SETX: variants seen among roughly 807,000 people sequenced by gnomAD.
SETX encodes helicase senataxin.
Under a neutral mutation model 227.2 loss-of-function variants are expected in SETX, and 90 were observed. The observed-to-expected ratio is 0.40, with a 90% CI of 0.33 to 0.47. SETX has a LOEUF of 0.47. Among genes scored for constraint, SETX ranks in the 20% least tolerant of loss-of-function variants. The pLI is 0.91. For missense variants in SETX, 3,052 were observed against 3,181.5 expected (o/e 0.96, Z 0.98); for synonymous variants, 1,210 against 1,113.2 (o/e 1.09, Z -1.73).
intron 3 of SETX, among the ~76,000 whole-genome samples, chr9:132,348,728 C>T (rs1848448147): frequency 1.8e-5 from 1 of 55,070 alleles, no homozygotes; most frequent in Non-Finnish European, 5.0e-5. Flanking sequence ...GAGTTCAGGA[C>T]CAGCCTGGGC....
At position 132,269,240 on chromosome 9, in the gene SETX, C is replaced by T. The variant is rs1057372093; in HGVS notation, c.7287+375G>A. Reference sequence around the variant, plus strand: ...CAGCAGAAAAGCAGAGCAGAGCACGCGCCTGCAAACTCTCTCTGGCATTAA... The same window carrying T: ...CAGCAGAAAAGCAGAGCAGAGCACGTGCCTGCAAACTCTCTCTGGCATTAA... On this transcript the variant is annotated intron_variant, in intron 25 of 25. Transcript: ENST00000224140. Among the ~76,000 whole-genome samples, 6 of 152,356 alleles carry T rather than the reference C, an allele frequency of 3.9e-5. No homozygotes were observed. The South Asian group carries it at 6.2e-4, about 16-fold the overall frequency.
chr9:132,301,156 G>T (rs1029293783), intron 11 of SETX, among the ~76,000 whole-genome samples: 1 of 147,812 alleles, frequency 6.8e-6, no homozygotes, highest in East Asian at 2.0e-4. Flanking sequence ...GCAGTGGCGC[G>T]ATCTCGGGTC....
chr9:132,355,000 C>T (rs1848836342), upstream of SETX: 1 of 152,182 alleles, frequency 6.6e-6, no homozygotes, highest in South Asian at 2.1e-4. Flanking sequence ...GGCCCGCAGC[C>T]GCAGCTACCA....
chr9:132,283,371 C>T lies in SETX; in HGVS notation c.6439G>A (p.Glu2147Lys). Residue 2147 changes from glutamate to lysine, a missense_variant, in exon 19 of 26, where the codon GAG becomes AAG. Around this residue, in one of 10 missense-constraint regions of SETX, gnomAD observed 412 missense variants for 589.0 expected, o/e 0.70. Transcript: ENST00000224140. ...AACGTGCAGCAGATGATATGGGACTCTAAGATGATGATACTCTGTGTTTTC... is the reference window on the plus strand; with the variant it reads ...AACGTGCAGCAGATGATATGGGACTTTAAGATGATGATACTCTGTGTTTTC... Reference protein sequence around the residue: ...PQKTQSIIILESHIICCTLST... With the variant: ...PQKTQSIIILKSHIICCTLST... The T allele has an allele frequency of 6.2e-7, 1 of 1,614,182 alleles. No individual in the cohort carries two copies. The highest frequency in any genetic ancestry group is 8.5e-7 in the Non-Finnish European group (1 of 1,180,036).
At position 132,291,855 on chromosome 9, in the gene SETX, G is replaced by A. The variant is rs558420979; in HGVS notation, c.6107-3204C>T. ...AAAAACATATAAATTTCTACAATGG[G>A]AGCTTGCTAATGCCCACAAGAAAGT... On this transcript the variant is annotated intron_variant, in intron 15 of 25. Transcript: ENST00000224140. 2.6e-5 allele frequency among the ~76,000 whole-genome samples: 4 copies of A among 152,222 alleles called. No individual in the cohort carries two copies. The South Asian group carries it at 8.3e-4, about 32-fold the overall frequency.
intron 7 of SETX, among the ~76,000 whole-genome samples, chr9:132,333,759 C>T (rs1162173170): frequency 1.3e-5 from 2 of 152,076 alleles, no homozygotes; most frequent in Non-Finnish European, 2.9e-5. Context: ...CTATCTGGAG[C>T]AGCATATCCA....
chr9:132,336,127 C>G (rs1415984420), intron 6 of SETX, among the ~76,000 whole-genome samples, 169 bp downstream of exon 6: 3 of 152,188 alleles, frequency 2.0e-5, no homozygotes, highest in African/African-American at 7.2e-5. Context: ...CCTGTAATCA[C>G]AGCTACTCGG....
chr9:132,322,545 G>A (rs1305285647), intron 10 of SETX, among the ~76,000 whole-genome samples: 1 of 152,166 alleles, frequency 6.6e-6, no homozygotes, highest in African/African-American at 2.4e-5. Flanking sequence ...AGTGAACACA[G>A]ATCTTCACTT....
rs138538492 is a variant in SETX, at chr9:132,336,304, T to C, written c.710A>G (p.Tyr237Cys). The change falls in exon 6 of 26, where the codon TAT becomes TGT. Residue 237 changes from tyrosine (Y) to cysteine (C), a missense_variant. Coordinates refer to ENST00000224140, the MANE Select transcript of SETX (RefSeq NM_015046.7). ...HMYDTTNYKS[Y>C]WLGICMLLTI... Reference sequence around the variant, plus strand: ...GTAGGAATAATACTCACCTAACCAATAGCTTTTGTAGTTGGTAGTATCATA... The same window carrying C: ...GTAGGAATAATACTCACCTAACCAACAGCTTTTGTAGTTGGTAGTATCATA... The C allele has an allele frequency of 3.7e-5, 59 of 1,608,450 alleles. No individual in the cohort carries two copies. Among genetic ancestry groups the C allele is most frequent in the South Asian group, 5.5e-5 (5 of 90,954 alleles).
intron 10 of SETX, among the ~76,000 whole-genome samples, chr9:132,313,251 C>G (rs943885080): frequency 6.6e-6 from 1 of 151,970 alleles, no homozygotes; most frequent in Non-Finnish European, 1.5e-5. Flanking sequence ...CTTAATAAAG[C>G]TGTTAAAATG....
chr9:132,274,045 T>C (rs1843028547), intron 23 of SETX, among the ~76,000 whole-genome samples: 1 of 152,082 alleles, frequency 6.6e-6, no homozygotes. Context: ...GCTGATTATG[T>C]GGGTCTCCTC....
chr9:132,315,547 C>CTG (rs1845914901), intron 10 of SETX, among the ~76,000 whole-genome samples: 1 of 152,168 alleles, frequency 6.6e-6, no homozygotes, highest in South Asian at 2.1e-4. Context: ...ACTCTGCCAC[C>CTG]AATAAACAAA....
intron 7 of SETX, among the ~76,000 whole-genome samples, chr9:132,332,732 C>T (rs1847317858): frequency 1.3e-5 from 2 of 151,422 alleles, no homozygotes; most frequent in Admixed American, 6.6e-5. Context: ...GACCAGCCTA[C>T]ACCCATAGTG....
At chr9:132,332,095 A>G (rs992045948) in intron 7 of SETX, among the ~76,000 whole-genome samples, 3 of 152,226 alleles carry the variant, frequency 2.0e-5, no homozygotes, top group African/African-American at 7.2e-5. Flanking sequence ...TGCAGTAGCA[A>G]GATACCGCCC....
intron 23 of SETX, among the ~76,000 whole-genome samples, chr9:132,274,232 T>C (rs565855321): frequency 1.8e-4 from 27 of 152,270 alleles, no homozygotes; most frequent in African/African-American, 6.3e-4. Flanking sequence ...GATCTGTAGT[T>C]TTCTTGTGAT....
At chr9:132,341,353 T>C (rs1386838793) in intron 5 of SETX, among the ~76,000 whole-genome samples, 2 of 152,230 alleles carry the variant, frequency 1.3e-5, no homozygotes, top group South Asian at 4.1e-4. Flanking sequence ...CCAACAGTGC[T>C]GGTCTTTGTT....
At chr9:132,288,991 A>G (rs555001104) in intron 15 of SETX, among the ~76,000 whole-genome samples, 3 of 152,350 alleles carry the variant, frequency 2.0e-5, no homozygotes, top group African/African-American at 7.2e-5. Flanking sequence ...GTTTCAAGAA[A>G]AATGATGAGA....
At chr9:132,325,082 C>T (rs892827068) in intron 10 of SETX, among the ~76,000 whole-genome samples, 2 of 152,170 alleles carry the variant, frequency 1.3e-5, no homozygotes, top group South Asian at 2.1e-4. Context: ...GGCGGCCAGA[C>T]GCAGTGGCTC....
intron 5 of SETX, among the ~76,000 whole-genome samples, chr9:132,338,393 A>C (rs1394384978): frequency 6.6e-6 from 1 of 152,000 alleles, no homozygotes; most frequent in Non-Finnish European, 1.5e-5. Context: ...GCCCAGCCTC[A>C]CTTATTTTTT....
Sources: allele counts gnomAD v4.1 joint callset (sites outside exome capture counted in the v4.1 genomes callset), GRCh38; gene constraint gnomAD v4.1.1; regional missense constraint gnomAD v4.1.1; transcripts MANE v1.5; gene names NCBI Gene and HGNC (gene_info 2026-07-23, HGNC 2026-07-21).